CTNND2: variants seen among roughly 807,000 people sequenced by gnomAD.
CTNND2 encodes the protein catenin delta-2.
CTNND2 carries 22 observed loss-of-function variants against 144.4 expected under a neutral mutation model. The ratio of observed to expected loss-of-function variants is 0.15; its 90% CI spans 0.11 to 0.22. The LOEUF is 0.22. Among genes scored for constraint, CTNND2 ranks in the 10% least tolerant of loss-of-function variants. The probability of loss-of-function intolerance (pLI) is 1.00; values close to 1 mark genes in which losing one functional copy is unlikely to be tolerated. For synonymous variants in CTNND2, 751 were observed against 695.6 expected (o/e 1.08, Z -1.25); for missense variants, 1,353 against 1,618.8 (o/e 0.84, Z 2.82).
At chr5:10,994,314 G>GGC (rs1739059026) in intron 18 of CTNND2, among the ~76,000 whole-genome samples, 1 of 41,396 alleles carries the variant, frequency 2.4e-5, no homozygotes, top group Admixed American at 2.1e-4. Context: ...GACGGAGGAA[G>GGC]GGGGCGGGGA....
intron 3 of CTNND2, among the ~76,000 whole-genome samples, chr5:11,545,198 T>C (rs1381470380): frequency 6.7e-6 from 1 of 148,806 alleles, no homozygotes; most frequent in Non-Finnish European, 1.5e-5. Context: ...GGCAGGCGCC[T>C]GTAATCCCAG....
At chr5:11,013,316 G>T (rs1014763051) in intron 18 of CTNND2, among the ~76,000 whole-genome samples, 8 of 152,026 alleles carry the variant, frequency 5.3e-5, no homozygotes, top group African/African-American at 1.9e-4. Flanking sequence ...CCTTACAGAG[G>T]TTCTCATATA....
At chr5:11,781,155 G>C (rs909619315) in intron 1 of CTNND2, among the ~76,000 whole-genome samples, 12 of 151,968 alleles carry the variant, frequency 7.9e-5, no homozygotes, top group African/African-American at 2.2e-4. Context: ...CTAGGGGTTT[G>C]GCAAATATTA....
At chr5:11,231,714 G>C (rs1741043686) in intron 10 of CTNND2, among the ~76,000 whole-genome samples, 1 of 152,232 alleles carries the variant, frequency 6.6e-6, no homozygotes, top group African/African-American at 2.4e-5. Context: ...ATTTTCCGGG[G>C]ATAAATTCAA....
chr5:11,304,934 T>C (rs1050491506), intron 9 of CTNND2, among the ~76,000 whole-genome samples: 3 of 145,560 alleles, frequency 2.1e-5, no homozygotes, highest in South Asian at 4.7e-4. Flanking sequence ...CCTTGCAGCA[T>C]GGAGGGTTTA....
intron 9 of CTNND2, among the ~76,000 whole-genome samples, chr5:11,263,480 T>A (rs1745122224): frequency 6.6e-6 from 1 of 152,064 alleles, no homozygotes; most frequent in African/African-American, 2.4e-5. Context: ...ATATTGGAAC[T>A]ATGATTACAA....
intron 9 of CTNND2, among the ~76,000 whole-genome samples, chr5:11,293,337 T>C (rs184340536): frequency 2.0e-5 from 3 of 152,302 alleles, no homozygotes; most frequent in Non-Finnish European, 2.9e-5. Flanking sequence ...AGATATTCCC[T>C]TAAGGTGCTC....
At chr5:11,630,191 A>G (rs759927666) in intron 2 of CTNND2, among the ~76,000 whole-genome samples, 51 of 152,292 alleles carry the variant, frequency 3.3e-4, no homozygotes, top group Non-Finnish European at 7.2e-4. Context: ...ATAGTTCACC[A>G]TGTGCTACAC....
At chr5:11,638,960 C>A (rs190301659) in intron 2 of CTNND2, among the ~76,000 whole-genome samples, 73 of 152,168 alleles carry the variant, frequency 4.8e-4, no homozygotes, top group Admixed American at 1.3e-3. Context: ...TAAAGAATTC[C>A]GGTTTTGGCC....
At chr5:11,058,573 C>A (rs577590138) in intron 16 of CTNND2, among the ~76,000 whole-genome samples, 1 of 152,190 alleles carries the variant, frequency 6.6e-6, no homozygotes, top group Non-Finnish European at 1.5e-5. Context: ...AACCTCTGCT[C>A]GGGCAGTGCG....
chr5:11,626,591 T>G (rs1296797647), intron 2 of CTNND2, among the ~76,000 whole-genome samples: 1 of 152,176 alleles, frequency 6.6e-6, no homozygotes, highest in Non-Finnish European at 1.5e-5. Context: ...TCAGTTTTGC[T>G]AGACACTCTG....
intron 15 of CTNND2, among the ~76,000 whole-genome samples, chr5:11,091,787 A>G (rs1447363565): frequency 6.6e-6 from 1 of 152,146 alleles, no homozygotes; most frequent in Non-Finnish European, 1.5e-5. Context: ...AACATGCACT[A>G]TATGCACCCC....
chr5:11,128,466 T>C (rs1485696989), intron 12 of CTNND2, among the ~76,000 whole-genome samples: 2 of 151,860 alleles, frequency 1.3e-5, no homozygotes, highest in Non-Finnish European at 2.9e-5. Flanking sequence ...CCAGAGAAGC[T>C]GTGGGCTAAT....
intron 3 of CTNND2, among the ~76,000 whole-genome samples, chr5:11,532,012 G>A (rs1773787475): frequency 1.3e-5 from 2 of 152,102 alleles, no homozygotes; most frequent in South Asian, 2.1e-4. Context: ...GCTGCCTCTG[G>A]ACAACACTCA....
intron 3 of CTNND2, among the ~76,000 whole-genome samples, chr5:11,478,958 G>C (rs1422651829): frequency 6.6e-6 from 1 of 152,024 alleles, no homozygotes; most frequent in African/African-American, 2.4e-5. Context: ...CTACTAGAAA[G>C]GGTTCTATTA....
At chr5:11,124,909 A>G (rs997147087) in intron 12 of CTNND2, among the ~76,000 whole-genome samples, 3 of 152,202 alleles carry the variant, frequency 2.0e-5, no homozygotes, top group Non-Finnish European at 2.9e-5. Context: ...TCACCAAAAT[A>G]AGTGGTTTGA....
chr5:11,045,662 A>T (rs1745166095), intron 16 of CTNND2, among the ~76,000 whole-genome samples: 1 of 151,988 alleles, frequency 6.6e-6, no homozygotes, highest in East Asian at 1.9e-4. Context: ...TTACAAGGAC[A>T]CTTAGCTTTG....
intron 16 of CTNND2, among the ~76,000 whole-genome samples, chr5:11,046,909 A>C (rs1202941552): frequency 6.6e-6 from 1 of 152,226 alleles, no homozygotes; most frequent in Non-Finnish European, 1.5e-5. Flanking sequence ...CAGAGCCAGC[A>C]CTGACGAAAT....
rs1363528910 is a variant in CTNND2 at position 11,320,322 on chromosome 5, G to GT, written c.1628+26049dup. ...CACTCACATAAGTAAAGTTGCTTCA[G>GT]TTTTTTTTCTCCACTAGGTTTCTTG... On this transcript the variant is annotated intron_variant, in intron 9 of 21. Coordinates refer to ENST00000304623, the MANE Select transcript of CTNND2 (RefSeq NM_001332.4). Among the ~76,000 whole-genome samples, 16 of 151,898 alleles carry GT rather than the reference G, an allele frequency of 1.1e-4. 1 individual carries two copies. Among genetic ancestry groups the GT allele is most frequent in the Admixed American group, 8.5e-4 (13 of 15,232 alleles).
Sources: gnomAD v4.1 joint callset for allele counts (sites outside exome capture counted in the v4.1 genomes callset) on GRCh38, gnomAD v4.1.1 for gene constraint, MANE v1.5 for transcripts, NCBI Gene and HGNC (gene_info 2026-07-23, HGNC 2026-07-21) for gene names.